PCCA: variants seen among roughly 807,000 people sequenced by gnomAD.
PCCA encodes propionyl-CoA carboxylase alpha chain, mitochondrial.
Under a neutral mutation model 101.3 loss-of-function variants are expected in PCCA, and 74 were observed. The ratio of observed to expected loss-of-function variants is 0.73; its 90% CI spans 0.61 to 0.89. The LOEUF (loss-of-function observed/expected upper bound fraction) is 0.89. Among genes scored for constraint, PCCA ranks in the 40% least tolerant of loss-of-function variants. PCCA has a pLI of 0.00. For missense variants in PCCA, 891 were observed against 907.0 expected, an observed-to-expected ratio of 0.98 and a Z score of 0.23; for synonymous variants, 294 against 313.6, an observed-to-expected ratio of 0.94 and a Z score of 0.66.
chr13:100,284,864 C>G (rs991490216), intron 12 of PCCA, among the ~76,000 whole-genome samples: 2 of 152,204 alleles, frequency 1.3e-5, no homozygotes, highest in Non-Finnish European at 2.9e-5. Context: ...TTGGTCAGGC[C>G]CTAGCCCAAG....
intron 15 of PCCA, among the ~76,000 whole-genome samples, chr13:100,308,657 G>A (rs55790683): frequency 2.0e-5 from 3 of 151,946 alleles, no homozygotes; most frequent in Non-Finnish European, 4.4e-5. Flanking sequence ...ATAAAATTTA[G>A]GTCTTTTGTT....
intron 18 of PCCA, among the ~76,000 whole-genome samples, chr13:100,358,334 A>G (rs573735492): frequency 2.0e-5 from 3 of 152,308 alleles, no homozygotes; most frequent in East Asian, 1.9e-4. Flanking sequence ...TTGGCATGCA[A>G]TCTAAGAATA....
intron 21 of PCCA, among the ~76,000 whole-genome samples, chr13:100,455,906 G>A (rs140266553): frequency 2.1e-3 from 314 of 152,084 alleles, no homozygotes; most frequent in African/African-American, 7.1e-3. Flanking sequence ...CACTGTGTTG[G>A]CCAGGCTGGT....
chr13:100,314,989 A>G (rs2067216887), intron 16 of PCCA, among the ~76,000 whole-genome samples: 1 of 152,214 alleles, frequency 6.6e-6, no homozygotes, highest in Non-Finnish European at 1.5e-5. Flanking sequence ...CTGTGATTAT[A>G]GAAGAGATAT....
intron 4 of PCCA, among the ~76,000 whole-genome samples, chr13:100,127,198 T>A (rs2050037045): frequency 6.6e-6 from 1 of 152,344 alleles, no homozygotes; most frequent in South Asian, 2.1e-4. Flanking sequence ...TATTCATTTG[T>A]ATGTTCATGT....
intron 1 of PCCA, among the ~76,000 whole-genome samples, chr13:100,100,872 C>T (rs1432915157): frequency 6.6e-6 from 1 of 151,818 alleles, no homozygotes; most frequent in Non-Finnish European, 1.5e-5. Flanking sequence ...ACTGCAACCT[C>T]GGCTCACTGC....
chr13:100,323,463 G>A (rs1233473349), intron 16 of PCCA, among the ~76,000 whole-genome samples: 2 of 152,052 alleles, frequency 1.3e-5, no homozygotes, highest in Non-Finnish European at 2.9e-5. Flanking sequence ...GATTACAGGC[G>A]CCTGCCACCA....
At chr13:100,502,843 T>A (rs3783181) in intron 21 of PCCA, among the ~76,000 whole-genome samples, 36,437 of 151,852 alleles carry the variant, frequency 0.24, 5,464 homozygotes, top group East Asian at 0.65. Context: ...GCTGTTGGGG[T>A]TAATTAGAAA....
chr13:100,180,713 G>C (rs879495277), intron 6 of PCCA, among the ~76,000 whole-genome samples: 1 of 152,178 alleles, frequency 6.6e-6, no homozygotes, highest in East Asian at 1.9e-4. Context: ...TTGACTTTCT[G>C]TCTGGCTAGT....
intron 6 of PCCA, among the ~76,000 whole-genome samples, chr13:100,167,668 C>T (rs1393622698): frequency 6.6e-6 from 1 of 152,078 alleles, no homozygotes; most frequent in Admixed American, 6.5e-5. Flanking sequence ...GATCTCTGAT[C>T]AATTTTGAGT....
intron 7 of PCCA, among the ~76,000 whole-genome samples, chr13:100,232,144 A>G (rs887571320): frequency 6.6e-6 from 1 of 152,186 alleles, no homozygotes; most frequent in Non-Finnish European, 1.5e-5. Flanking sequence ...TCTGGCCAGA[A>G]CAGGGCCACG....
chr13:100,214,789 T>A (rs916799339), intron 7 of PCCA, among the ~76,000 whole-genome samples: 1 of 152,136 alleles, frequency 6.6e-6, no homozygotes, highest in Non-Finnish European at 1.5e-5. Flanking sequence ...TATTTTATTT[T>A]ATTTTATTTT....
intron 4 of PCCA, among the ~76,000 whole-genome samples, chr13:100,116,487 T>G (rs189331576): frequency 1.3e-3 from 191 of 152,334 alleles, no homozygotes; most frequent in South Asian, 2.5e-3. Context: ...TGTTGGCTTT[T>G]AGAGATGATT....
chr13:100,149,393 A>G (rs1418708444), intron 4 of PCCA: 1 of 152,196 alleles, frequency 6.6e-6, no homozygotes, highest in Non-Finnish European at 1.5e-5. Flanking sequence ...AGCCATCACT[A>G]TAATCTATCT....
At chr13:100,267,525 A>G (rs1046182662) in intron 10 of PCCA, among the ~76,000 whole-genome samples, 1 of 152,212 alleles carries the variant, frequency 6.6e-6, no homozygotes, top group Non-Finnish European at 1.5e-5. Flanking sequence ...TTTATAATGC[A>G]CAAAGAAACA....
At chr13:100,322,003 A>G (rs1344661602) in intron 16 of PCCA, among the ~76,000 whole-genome samples, 2 of 152,198 alleles carry the variant, frequency 1.3e-5, no homozygotes, top group African/African-American at 4.8e-5. Context: ...TGCTCGCTCA[A>G]ACACATGCAC....
At chr13:100,516,174 T>G (rs2086817324) in intron 22 of PCCA, among the ~76,000 whole-genome samples, 1 of 152,234 alleles carries the variant, frequency 6.6e-6, no homozygotes, top group Non-Finnish European at 1.5e-5. Flanking sequence ...TCTTAGAACA[T>G]GGATAGAAAT....
intron 18 of PCCA, among the ~76,000 whole-genome samples, chr13:100,360,529 A>G (rs543730081): frequency 2.6e-4 from 39 of 152,342 alleles, no homozygotes; most frequent in Middle Eastern, 6.8e-3. Flanking sequence ...CTTCTTAGCA[A>G]GGACACAAAG....
At chr13:100,404,994 G>A (rs1260109143) in intron 19 of PCCA, among the ~76,000 whole-genome samples, 1 of 152,102 alleles carries the variant, frequency 6.6e-6, no homozygotes, top group East Asian at 1.9e-4. Context: ...ATTGAGTCGG[G>A]AACACAAATG....
Sources: gnomAD v4.1 joint callset for allele counts (sites outside exome capture counted in the v4.1 genomes callset) on GRCh38, gnomAD v4.1.1 for gene constraint, MANE v1.5 for transcripts, NCBI Gene and HGNC (gene_info 2026-07-23, HGNC 2026-07-21) for gene names.